The following GGNBP2 variants were observed in gnomAD, a reference collection of about 807,000 sequenced individuals.
The protein encoded by GGNBP2 is gametogenetin binding protein 2.
GGNBP2 carries 10 observed loss-of-function variants against 85.9 expected under a neutral mutation model. That is an observed-to-expected ratio of 0.12 (90% CI 0.07 to 0.20). The LOEUF (loss-of-function observed/expected upper bound fraction) is 0.20, where lower values mean the gene tolerates loss of function less well. Ranked by LOEUF, GGNBP2 falls within the 10% of genes least tolerant of loss-of-function variation. GGNBP2 has a pLI of 1.00. For missense variants in GGNBP2, 595 were observed against 857.8 expected, an observed-to-expected ratio of 0.69 and a Z score of 3.83; for synonymous variants, 287 against 285.7, an observed-to-expected ratio of 1.00 and a Z score of -0.05.
intron 5 of GGNBP2, among the ~76,000 whole-genome samples, chr17:36,564,213 G>A (rs549578441): frequency 1.1e-4 from 16 of 152,290 alleles, no homozygotes; most frequent in African/African-American, 3.6e-4. Context: ...AAAGTGGTAT[G>A]ATACAGTAAA....
intron 2 of GGNBP2, chr17:36,547,768 A>G (rs975874218): frequency 1.1e-4 from 17 of 152,268 alleles, no homozygotes; most frequent in African/African-American, 3.9e-4. Flanking sequence ...TCAAAATAAC[A>G]TTTAGGAAAA....
chr17:36,557,699 A>G (rs1412044696), intron 4 of GGNBP2, among the ~76,000 whole-genome samples: 2 of 152,208 alleles, frequency 1.3e-5, no homozygotes, highest in African/African-American at 4.8e-5. Flanking sequence ...AAGGCAGAGA[A>G]GGGACAGCTA....
At chr17:36,547,718 C>T (rs1449996770) in intron 2 of GGNBP2, 1 of 152,168 alleles carries the variant, frequency 6.6e-6, no homozygotes, top group East Asian at 1.9e-4. Context: ...GGACTTGTGA[C>T]TAAGGCAAAT....
At chr17:36,573,168 A>C (rs2074543669) in intron 6 of GGNBP2, among the ~76,000 whole-genome samples, 1 of 151,918 alleles carries the variant, frequency 6.6e-6, no homozygotes, top group South Asian at 2.1e-4. Context: ...GCAGGGGTGC[A>C]GTGGCTTGAT....
At chr17:36,587,434 A>G in intron 13 of GGNBP2, 189 bp downstream of exon 13, 2 of 642,268 alleles carry the variant, frequency 3.1e-6, no homozygotes, top group Non-Finnish European at 5.5e-6. Flanking sequence ...CTACTCTGGA[A>G]CACGTTTCCA....
intron 5 of GGNBP2, among the ~76,000 whole-genome samples, chr17:36,565,939 A>G (rs957300832): frequency 6.6e-6 from 1 of 152,184 alleles, no homozygotes; most frequent in African/African-American, 2.4e-5. Context: ...TGTAGCATGG[A>G]AAGTGGAACA....
intron 5 of GGNBP2, among the ~76,000 whole-genome samples, chr17:36,564,172 A>G (rs1317849443): frequency 1.3e-5 from 2 of 152,172 alleles, no homozygotes; most frequent in African/African-American, 4.8e-5. Flanking sequence ...CTAATTTTTC[A>G]CATTAGAGAT....
chr17:36,581,318 C>T, intron 8 of GGNBP2, 26 bp from the exon 9 acceptor site: 1 of 1,460,968 alleles, frequency 6.8e-7, no homozygotes, highest in Non-Finnish European at 9.3e-7. Flanking sequence ...GACCAATATT[C>T]ACCCTCAACC....
chr17:36,548,683 C>T (rs1293067470), intron 2 of GGNBP2, among the ~76,000 whole-genome samples: 1 of 139,718 alleles, frequency 7.2e-6, no homozygotes, highest in Non-Finnish European at 1.5e-5. Flanking sequence ...GTGGCTCATG[C>T]CTGTAATCCT....
At chr17:36,560,113 G>A (rs568329068) in intron 4 of GGNBP2, among the ~76,000 whole-genome samples, 32 of 151,884 alleles carry the variant, frequency 2.1e-4, no homozygotes, top group Non-Finnish European at 3.2e-4. Context: ...GAGCCACCAT[G>A]CCTGGCCTCA....
rs1220197962 is a variant in GGNBP2 at position 36,589,700 on chromosome 17, T to C, written c.*289T>C. 2.1e-5 allele frequency: 9 copies of C among 431,176 alleles called. No homozygotes were observed. The East Asian group carries it at 3.2e-4, about 15-fold the overall frequency. The allele number at this position is 431,176 out of a possible 1,614,324, so 26.7% of individuals were successfully genotyped here. ...AGCAACTTAGTGGCAAAAAGTAATG[T>C]TGTACTTATAATTCTGTACAGAAAT... On this transcript the variant is annotated 3_prime_UTR_variant, in exon 14 of 14. Coordinates refer to ENST00000613102, the MANE Select transcript of GGNBP2 (RefSeq NM_024835.5).
chr17:36,585,652 TA>T (rs2074693669), intron 10 of GGNBP2, 187 bp from the exon 11 acceptor site: 2 of 627,744 alleles, frequency 3.2e-6, no homozygotes, highest in African/African-American at 3.8e-5. Flanking sequence ...CGAAAAATGG[TA>T]AATTCCTAAT....
At chr17:36,570,292 C>T (rs541043947) in intron 6 of GGNBP2, among the ~76,000 whole-genome samples, 1 of 152,338 alleles carries the variant, frequency 6.6e-6, no homozygotes, top group Non-Finnish European at 1.5e-5. Context: ...GTGAGAGTAT[C>T]ACTTGAGCCC....
chr17:36,587,050 A>G lies in GGNBP2; in HGVS notation c.1695A>G (p.Gly565=). The G allele has an allele frequency of 6.2e-7, 1 of 1,613,924 alleles. No individual in the cohort carries two copies. Among genetic ancestry groups the G allele is most frequent in the Non-Finnish European group, 8.5e-7 (1 of 1,179,898 alleles). The change falls in exon 13 of 14, where the codon GGA becomes GGG. Residue 565 remains glycine, a synonymous_variant. Coordinates refer to ENST00000613102, the MANE Select transcript of GGNBP2 (RefSeq NM_024835.5). ...ITDPGNRETS[G]NTMHTVFHRD... ...ATCCAGGTAATCGAGAGACCTCAGG[A>G]AATACCATGCACACAGTGTTTCACC...
intron 7 of GGNBP2, chr17:36,578,513 G>T (rs571637159): frequency 1.2e-5 from 3 of 247,346 alleles, no homozygotes; most frequent in Admixed American, 9.9e-5. Flanking sequence ...GCATTATCAT[G>T]TGTAAATTTT....
chr17:36,581,576 A>G lies in GGNBP2; in HGVS notation c.1215+38A>G, dbSNP rs755892445. On this transcript the variant is annotated intron_variant, in intron 9 of 13. Coordinates refer to ENST00000613102, the MANE Select transcript of GGNBP2 (RefSeq NM_024835.5). ...AATATCAACTCTTAAGTGTGTATGT[A>G]TTGCTTGTAGATAGAAGTACAGGCC... 28 of 1,484,450 alleles carry G rather than the reference A, an allele frequency of 1.9e-5. 1 individual carries two copies. In the Middle Eastern group the frequency reaches 5.3e-4, roughly 28 times the overall value. 92.0% of individuals were successfully genotyped at this position (1,484,450 alleles called of 1,614,324 possible).
At chr17:36,558,214 G>C (rs1049040947) in intron 4 of GGNBP2, among the ~76,000 whole-genome samples, 4 of 151,864 alleles carry the variant, frequency 2.6e-5, no homozygotes, top group Non-Finnish European at 5.9e-5. Context: ...AGGAGTTCAA[G>C]ACTAGCCTGG....
chr17:36,577,748 C>A, intron 6 of GGNBP2: 1 of 569,778 alleles, frequency 1.8e-6, no homozygotes, highest in Non-Finnish European at 3.1e-6. Flanking sequence ...CTGCCTCATT[C>A]TTTTAGGCTA....
chr17:36,574,594 G>T, intron 6 of GGNBP2: 1 of 545,914 alleles, frequency 1.8e-6, no homozygotes, highest in Non-Finnish European at 3.1e-6. Context: ...GGGTCAGGTA[G>T]CTGTAGGTCT....
Sources: gnomAD v4.1 joint callset for allele counts (sites outside exome capture counted in the v4.1 genomes callset) on GRCh38, gnomAD v4.1.1 for gene constraint, MANE v1.5 for transcripts, NCBI Gene and HGNC (gene_info 2026-07-23, HGNC 2026-07-21) for gene names.